The following UTS2 variants were observed in gnomAD, a reference collection of about 807,000 sequenced individuals.
The protein encoded by UTS2 is urotensin-2.
Under a neutral mutation model 12.6 loss-of-function variants are expected in UTS2, and 10 were observed. The observed-to-expected ratio is 0.80, with a 90% CI of 0.49 to 1.35. UTS2 has a LOEUF of 1.35. Among genes scored for constraint, UTS2 ranks in the 40% most tolerant of loss-of-function variants. The pLI is 0.00. For missense variants in UTS2, 142 were observed against 143.2 expected, an observed-to-expected ratio of 0.99 and a Z score of 0.04; for synonymous variants, 52 against 50.0, an observed-to-expected ratio of 1.04 and a Z score of -0.17.
the UTS2 span, among the ~76,000 whole-genome samples, chr1:7,859,060 G>A: frequency 4.6e-5 from 7 of 152,124 alleles, no homozygotes; most frequent in African/African-American, 1.7e-4. Context: ...TTTGAATACT[G>A]CAATGTTTGT....
the UTS2 span, among the ~76,000 whole-genome samples, chr1:7,882,320 G>A: frequency 6.6e-6 from 1 of 152,284 alleles, no homozygotes; most frequent in Non-Finnish European, 1.5e-5. Context: ...GGGCAACAGA[G>A]TGAGTTCCTG....
At chr1:7,860,615 G>A in the UTS2 span, among the ~76,000 whole-genome samples, 14 of 152,036 alleles carry the variant, frequency 9.2e-5, no homozygotes, top group Non-Finnish European at 2.1e-4. Flanking sequence ...TGTTGCCCAG[G>A]CTGGAGCACA....
At chr1:7,897,594 T>A in the UTS2 span, among the ~76,000 whole-genome samples, 1 of 152,294 alleles carries the variant, frequency 6.6e-6, no homozygotes, top group Admixed American at 6.5e-5. Flanking sequence ...TTTCATAATT[T>A]TTTTTTGAGA....
the UTS2 span, among the ~76,000 whole-genome samples, chr1:7,864,964 T>G: frequency 0.13 from 7,019 of 54,974 alleles, 686 homozygotes; most frequent in East Asian, 0.27. Flanking sequence ...CTCCCACAGC[T>G]GTCCCTCTGT....
the UTS2 span, among the ~76,000 whole-genome samples, chr1:7,880,895 C>T: frequency 9.9e-5 from 15 of 152,052 alleles, no homozygotes; most frequent in Non-Finnish European, 2.2e-4. Flanking sequence ...CACTAAAATC[C>T]TCAACAAAAT....
intron 2 of UTS2, 97 bp from the exon 3 acceptor site, chr1:7,849,780 T>C (rs1418470445): frequency 5.4e-6 from 6 of 1,117,630 alleles, no homozygotes; most frequent in Non-Finnish European, 7.5e-6. Context: ...TTATGTCTAG[T>C]TTCTGGTCTT....
At chr1:7,899,720 A>G in the UTS2 span, among the ~76,000 whole-genome samples, 1 of 152,198 alleles carries the variant, frequency 6.6e-6, no homozygotes, top group East Asian at 1.9e-4. Flanking sequence ...GAACTATATT[A>G]ACGTAAGAAG....
chr1:7,880,980 C>T, the UTS2 span, among the ~76,000 whole-genome samples: 7 of 152,076 alleles, frequency 4.6e-5, 1 homozygote, highest in Admixed American at 1.3e-4. Flanking sequence ...CCAGGGATTC[C>T]GCAAAGATGG....
At chr1:7,848,512 C>CTGTATTGTATTGTAT (rs57463148) in intron 3 of UTS2, among the ~76,000 whole-genome samples, 1 of 150,820 alleles carries the variant, frequency 6.6e-6, no homozygotes, top group Non-Finnish European at 1.5e-5. Context: ...ATTGTGTATA[C>CTGTATTGTATTGTAT]TGTATTGTAT....
chr1:7,894,776 T>G, the UTS2 span, among the ~76,000 whole-genome samples: 1 of 148,020 alleles, frequency 6.8e-6, no homozygotes, highest in African/African-American at 2.5e-5. Context: ...GGTCAGGAGA[T>G]GGAAACCAGC....
chr1:7,893,817 A>G, the UTS2 span, among the ~76,000 whole-genome samples: 1 of 152,168 alleles, frequency 6.6e-6, no homozygotes, highest in Non-Finnish European at 1.5e-5. Context: ...TTCACTTACA[A>G]CCCACTAAAA....
At chr1:7,891,266 G>A in the UTS2 span, among the ~76,000 whole-genome samples, 1 of 152,068 alleles carries the variant, frequency 6.6e-6, no homozygotes, top group Admixed American at 6.6e-5. Flanking sequence ...TATCATTAAC[G>A]ATGCATTATA....
chr1:7,849,516 G>T, intron 3 of UTS2, 124 bp downstream of exon 3: 1 of 905,074 alleles, frequency 1.1e-6, no homozygotes, highest in Non-Finnish European at 1.7e-6. Flanking sequence ...TGGTCATGCT[G>T]GCCAATTATT....
the UTS2 span, among the ~76,000 whole-genome samples, chr1:7,859,537 C>T: frequency 6.6e-6 from 1 of 152,186 alleles, no homozygotes; most frequent in Non-Finnish European, 1.5e-5. Flanking sequence ...GAGGAAGAGC[C>T]TCCAGGCAGA....
the UTS2 span, among the ~76,000 whole-genome samples, chr1:7,911,854 T>C: frequency 6.9e-6 from 1 of 144,616 alleles, no homozygotes; most frequent in Non-Finnish European, 1.5e-5. Flanking sequence ...TGAGCCAAGA[T>C]CGCGCCACTG....
chr1:7,847,816 G>A lies in UTS2; in HGVS notation c.325C>T (p.Pro109Ser), dbSNP rs1215235218. The A allele has an allele frequency of 6.2e-7, 1 of 1,613,678 alleles. No homozygotes were observed. Among genetic ancestry groups the A allele is most frequent in the African/African-American group, 1.3e-5 (1 of 74,840 alleles). The stretch of plus-strand genomic sequence containing the variant: ...TCAGGAGTCTCACGTTTCTTGTATG[G>A]TTTCCAGATTCTGGCCAAAAGATGA... ...LSHLLARIWK[P>S]YKKRETPDCF... Residue 109 changes from proline to serine, a missense_variant, in exon 4 of 4, where the codon CCA becomes TCA. By Grantham distance (74) the Pro-to-Ser change is moderately conservative (BLOSUM62 -1). Transcript: ENST00000361696.
the UTS2 span, among the ~76,000 whole-genome samples, chr1:7,868,362 T>G: frequency 1.3e-5 from 2 of 152,112 alleles, no homozygotes; most frequent in African/African-American, 4.8e-5. Flanking sequence ...TGAGCTTGGG[T>G]TTTAGAGTCC....
intron 1 of UTS2, among the ~76,000 whole-genome samples, chr1:7,852,692 C>G (rs977852915): frequency 7.9e-5 from 12 of 152,216 alleles, no homozygotes; most frequent in African/African-American, 2.6e-4. Context: ...TCTCCTTTTA[C>G]ATTGTAGAGA....
At chr1:7,912,999 T>C in the UTS2 span, among the ~76,000 whole-genome samples, 4 of 152,018 alleles carry the variant, frequency 2.6e-5, no homozygotes, top group African/African-American at 7.2e-5. Flanking sequence ...TTCTTTTTTT[T>C]TTTTTTTGTT....
Sources: gnomAD v4.1 joint callset for allele counts (sites outside exome capture counted in the v4.1 genomes callset) on GRCh38, gnomAD v4.1.1 for gene constraint, MANE v1.5 for transcripts, NCBI Gene and HGNC (gene_info 2026-07-23, HGNC 2026-07-21) for gene names.